Variants in DIP2A observed in about 807,000 individuals in gnomAD.
The protein encoded by DIP2A is disco-interacting protein 2 homolog A.
A neutral mutation model predicts 177.4 loss-of-function variants in DIP2A; 85 were observed. The observed-to-expected ratio is 0.48, with a 90% confidence interval of 0.40 to 0.57. DIP2A has a LOEUF of 0.57. DIP2A is among the 20% of genes least tolerant of loss of function. DIP2A has a pLI of 0.00. For synonymous variants in DIP2A, 886 were observed against 881.8 expected (o/e 1.00, Z -0.08); for missense variants, 1,791 against 2,100.2 (o/e 0.85, Z 2.88).
chr21:46,518,188 G>A (rs1338251904), intron 8 of DIP2A, among the ~76,000 whole-genome samples: 1 of 152,218 alleles, frequency 6.6e-6, no homozygotes, highest in Non-Finnish European at 1.5e-5. Flanking sequence ...TCCAGTTTTA[G>A]CTACTAGAAA....
At chr21:46,526,019 C>G (rs2059069047) in intron 8 of DIP2A, among the ~76,000 whole-genome samples, 1 of 151,676 alleles carries the variant, frequency 6.6e-6, no homozygotes, top group Non-Finnish European at 1.5e-5. Flanking sequence ...AGTGATTCTT[C>G]TGCCTCAGTC....
intron 35 of DIP2A, 130 bp from the exon 36 acceptor site, chr21:46,565,583 A>G: frequency 1.1e-6 from 1 of 931,834 alleles, no homozygotes; most frequent in Non-Finnish European, 1.6e-6. Context: ...ATAAGAGACA[A>G]TGAATATTAT....
At chr21:46,500,584 T>C (rs1475903611) in intron 5 of DIP2A, among the ~76,000 whole-genome samples, 1 of 152,230 alleles carries the variant, frequency 6.6e-6, no homozygotes, top group African/African-American at 2.4e-5. Context: ...CTAGGTGAGA[T>C]GGTGCAGGAG....
chr21:46,509,888 G>A (rs1170170203), intron 7 of DIP2A, among the ~76,000 whole-genome samples: 3 of 152,108 alleles, frequency 2.0e-5, no homozygotes, highest in African/African-American at 4.8e-5. Context: ...GGTCCTACTC[G>A]CAGACCTTGG....
intron 1 of DIP2A, among the ~76,000 whole-genome samples, chr21:46,476,628 G>T (rs531618857): frequency 1.3e-5 from 2 of 151,268 alleles, no homozygotes; most frequent in African/African-American, 2.4e-5. Context: ...TGAATCTCAC[G>T]TCTTCTAGTC....
intron 8 of DIP2A, among the ~76,000 whole-genome samples, chr21:46,522,580 C>T (rs1168832746): frequency 6.6e-6 from 1 of 152,186 alleles, no homozygotes; most frequent in African/African-American, 2.4e-5. Flanking sequence ...TGGCCAAGAG[C>T]ATGCTTCTCT....
At chr21:46,539,548 C>T (rs1332095584) in intron 16 of DIP2A, 18 of 375,882 alleles carry the variant, frequency 4.8e-5, no homozygotes, top group Non-Finnish European at 6.2e-5. Flanking sequence ...AGTGCCTCTT[C>T]CCATGGCACT....
chr21:46,558,144 A>G, intron 31 of DIP2A, 79 bp from the exon 32 acceptor site: 18 of 1,445,304 alleles, frequency 1.2e-5, no homozygotes, highest in Non-Finnish European at 1.7e-5. Context: ...GCCCACCCGG[A>G]GATTTCCCAA....
At chr21:46,520,126 G>A (rs917719762) in intron 8 of DIP2A, among the ~76,000 whole-genome samples, 1 of 151,786 alleles carries the variant, frequency 6.6e-6, no homozygotes, top group African/African-American at 2.4e-5. Context: ...CACCCATCTC[G>A]GCCTCCTCAA....
chr21:46,554,268 C>T lies in DIP2A; in HGVS notation c.3130C>T (p.His1044Tyr), dbSNP rs780831743. Residue 1044 changes from histidine (H) to tyrosine (Y), a missense_variant, in exon 26 of 38, where the codon CAT becomes TAT. Physicochemically the swap from His to Tyr is moderately conservative, Grantham distance 83 (BLOSUM62 2). Transcript: ENST00000417564. Reference sequence around the variant, plus strand: ...GAAGGGAAGACTGAGTGTTGGGGACCATGTGGCTCTGGTCTACCCACCAGG... The same window carrying T: ...GAAGGGAAGACTGAGTGTTGGGGACTATGTGGCTCTGGTCTACCCACCAGG... ...MEKGRLSVGDHVALVYPPGVD... is the reference protein window; with the variant it reads ...MEKGRLSVGDYVALVYPPGVD... 3.7e-6 allele frequency: 6 copies of T among 1,613,788 alleles called. No individual in the cohort carries two copies. The Admixed American group carries it at 8.3e-5, about 22-fold the overall frequency.
intron 1 of DIP2A, among the ~76,000 whole-genome samples, chr21:46,471,278 G>A (rs536792490): frequency 6.6e-6 from 1 of 152,114 alleles, no homozygotes; most frequent in East Asian, 1.9e-4. Context: ...CGATCTTCCT[G>A]CCTTGGCCTC....
chr21:46,575,173 A>C, the DIP2A span, among the ~76,000 whole-genome samples: 2 of 152,156 alleles, frequency 1.3e-5, no homozygotes, highest in African/African-American at 4.8e-5. Flanking sequence ...AAGGGGAAAA[A>C]CCACATGTGA....
At chr21:46,536,980 C>G (rs529661572) in intron 13 of DIP2A, among the ~76,000 whole-genome samples, 1 of 151,988 alleles carries the variant, frequency 6.6e-6, no homozygotes, top group South Asian at 2.1e-4. Context: ...TGTTCCTGTG[C>G]CTTCTGATTA....
chr21:46,537,525 T>C lies in DIP2A; in HGVS notation c.1787T>C (p.Val596Ala), dbSNP rs2059625119. 3.1e-6 allele frequency: 5 copies of C among 1,614,142 alleles called. No homozygotes were observed. The highest frequency in any genetic ancestry group is 4.5e-5 in the East Asian group (2 of 44,876). The change falls in exon 15 of 38, where the codon GTG becomes GCG. Residue 596 changes from valine to alanine, a missense_variant. Transcript: ENST00000417564. This position sits in a 1 kb window ranked among gnomAD's most constrained non-coding sequence, Gnocchi z 4.1. ...AACCCACTCTCCTGGATCCAGAAAG[T>C]GTGCTTCTATAAAGGTAACGGATAC... ...KANPLSWIQKVCFYKARAALV... is the reference protein window; with the variant it reads ...KANPLSWIQKACFYKARAALV...
chr21:46,549,154 C>T (rs901332750), intron 21 of DIP2A, among the ~76,000 whole-genome samples: 7 of 151,878 alleles, frequency 4.6e-5, no homozygotes, highest in Admixed American at 6.6e-5. Context: ...ACACACACAC[C>T]AGTCAAGTCA....
At chr21:46,509,120 G>A in intron 6 of DIP2A, 137 bp from the exon 7 acceptor site, 1 of 873,816 alleles carries the variant, frequency 1.1e-6, no homozygotes, top group Non-Finnish European at 1.6e-6. Context: ...ATTCCAAAAT[G>A]ACTGTCCAGT....
At chr21:46,572,603 G>A (rs141465760), downstream of DIP2A, among the ~76,000 whole-genome samples, 27 of 152,248 alleles carry the variant, frequency 1.8e-4, no homozygotes, top group African/African-American at 4.8e-4. Context: ...CATGCTCAGC[G>A]CCCCCACCAT....
At position 46,537,362 on chromosome 21, in the gene DIP2A, T is replaced by A. The variant is rs2059615657; in HGVS notation, c.1707+74T>A. On this transcript the variant is annotated intron_variant, in intron 14 of 37. Transcript: ENST00000417564. This position sits in a 1 kb window ranked among gnomAD's most constrained non-coding sequence, Gnocchi z 4.1. ...GAACCCAAGCCTCTGCCTGAAATGT[T>A]GTTGGGAGAGTACATCGGTTTTGTT... The A allele has an allele frequency of 1.2e-6, 2 of 1,611,052 alleles. No homozygotes were observed. The highest frequency in any genetic ancestry group is 1.7e-6 in the Non-Finnish European group (2 of 1,177,326).
intron 16 of DIP2A, 125 bp downstream of exon 16, chr21:46,538,727 C>A: frequency 7.4e-7 from 1 of 1,342,974 alleles, no homozygotes; most frequent in Non-Finnish European, 1.0e-6. Context: ...TACACATGTC[C>A]CATCGTTTCT....
Sources: gnomAD v4.1 joint callset for allele counts (sites outside exome capture counted in the v4.1 genomes callset) on GRCh38, gnomAD v4.1.1 for gene constraint, Gnocchi (gnomAD v3.1) non-coding constraint, MANE v1.5 for transcripts, NCBI Gene and HGNC (gene_info 2026-07-23, HGNC 2026-07-21) for gene names.